Variants in GRAMD1C observed in about 807,000 individuals in gnomAD.
The protein encoded by GRAMD1C is GRAM domain containing 1C.
A neutral mutation model predicts 97.8 loss-of-function variants in GRAMD1C; 89 were observed. The ratio of observed to expected loss-of-function variants is 0.91; its 90% CI spans 0.77 to 1.09. GRAMD1C has a LOEUF of 1.09. Ranked by LOEUF, GRAMD1C falls within the 50% of genes least tolerant of loss-of-function variation. The pLI is 0.00. For synonymous variants in GRAMD1C, 256 were observed against 267.0 expected (o/e 0.96, Z 0.40); for missense variants, 740 against 766.4 (o/e 0.97, Z 0.41).
At chr3:113,906,102 G>A (rs1392885112) in intron 8 of GRAMD1C, among the ~76,000 whole-genome samples, 2 of 152,140 alleles carry the variant, frequency 1.3e-5, no homozygotes, top group Non-Finnish European at 2.9e-5. Flanking sequence ...TGATGCTGGT[G>A]TAAACAAATC....
chr3:113,940,071 A>C lies in GRAMD1C; in HGVS notation c.1802+75A>C, dbSNP rs991024417. ...CTTCAGTTGCAGAAAACTTAATTTC[A>C]GTTTCAGAGACTGTGGTCTGCTAAC... On this transcript the variant is annotated intron_variant, in intron 16 of 17. Coordinates refer to ENST00000358160, the MANE Select transcript of GRAMD1C (RefSeq NM_017577.5). 4 of 939,478 alleles carry C rather than the reference A, an allele frequency of 4.3e-6. No individual in the cohort carries two copies. In the Admixed American group the frequency reaches 5.3e-5, roughly 12 times the overall value. 58.2% of individuals were successfully genotyped at this position (939,478 alleles called of 1,614,324 possible).
At chr3:113,911,711 C>CTTTCT (rs1553723623) in intron 9 of GRAMD1C, among the ~76,000 whole-genome samples, 15 of 136,568 alleles carry the variant, frequency 1.1e-4, no homozygotes, top group Middle Eastern at 3.6e-3. Context: ...TTCCTTCCTT[C>CTTTCT]CTTCCTTCCT....
intron 1 of GRAMD1C, among the ~76,000 whole-genome samples, chr3:113,844,271 G>A (rs1159889413): frequency 6.6e-6 from 1 of 151,940 alleles, no homozygotes; most frequent in Non-Finnish European, 1.5e-5. Flanking sequence ...TCCAGTCTGG[G>A]TGAAAGAGTG....
chr3:113,845,386 A>G (rs1933563807), intron 2 of GRAMD1C, among the ~76,000 whole-genome samples: 1 of 152,180 alleles, frequency 6.6e-6, no homozygotes, highest in Non-Finnish European at 1.5e-5. Context: ...AGTTCCAATT[A>G]GTTCATTAGA....
chr3:113,920,180 G>T, intron 10 of GRAMD1C: 1 of 1,379,096 alleles, frequency 7.3e-7, no homozygotes, highest in Non-Finnish European at 1.0e-6. Context: ...ACAGGCATCT[G>T]CTCAACAGCC....
chr3:113,907,498 T>C (rs751910328), intron 8 of GRAMD1C, among the ~76,000 whole-genome samples: 3 of 152,178 alleles, frequency 2.0e-5, no homozygotes, highest in Admixed American at 6.5e-5. Context: ...ACAAGCAGTA[T>C]AGAAGTTTAG....
chr3:113,935,666 C>T (rs1028859444), intron 13 of GRAMD1C, among the ~76,000 whole-genome samples: 17 of 151,488 alleles, frequency 1.1e-4, no homozygotes, highest in African/African-American at 3.9e-4. Flanking sequence ...ATTTTTCTTG[C>T]CTTTCTTCCT....
Position 113,841,363 on chromosome 3 carries a change from G to A in GRAMD1C, c.27+2427G>A, listed in dbSNP as rs142598369. ...TGCAGTGGCACAATCTCAGCTCACC[G>A]CAACCTCCACCTCCCGGGTTCAAGC... On this transcript the variant is annotated intron_variant, in intron 1 of 17. Coordinates refer to ENST00000358160, the MANE Select transcript of GRAMD1C (RefSeq NM_017577.5). Among the ~76,000 whole-genome samples, 684 of 134,234 alleles carry A rather than the reference G, an allele frequency of 5.1e-3. 5 individuals carry two copies. Among genetic ancestry groups the A allele is most frequent in the African/African-American group, 0.018 (647 of 36,088 alleles). 88.1% of individuals were successfully genotyped at this position (134,234 alleles called of 152,430 possible).
Position 113,936,353 on chromosome 3 carries a change from C to A in GRAMD1C, c.1544C>A (p.Thr515Asn). ...ACTGGCCTACGAAGGAGAAGGCGAA[C>A]CTTCAACCGAACAGCAGAAACAGTT... is the stretch of plus-strand genomic sequence containing the variant. ...KLTGLRRRRR[T>N]FNRTAETVPK... The change falls in exon 14 of 18, where the codon ACC becomes AAC. Residue 515 changes from threonine to asparagine, a missense_variant. Transcript: ENST00000358160. 6.2e-7 allele frequency: 1 copy of A among 1,612,346 alleles called. No homozygotes were observed. The highest frequency in any genetic ancestry group is 8.5e-7 in the Non-Finnish European group (1 of 1,178,546).
intron 2 of GRAMD1C, among the ~76,000 whole-genome samples, chr3:113,861,361 C>T (rs1577135969): frequency 6.6e-6 from 1 of 151,996 alleles, no homozygotes; most frequent in East Asian, 1.9e-4. Flanking sequence ...AAAATTAGTG[C>T]CATGTTTGGT....
chr3:113,924,704 A>G (rs903312380), intron 10 of GRAMD1C, among the ~76,000 whole-genome samples: 1 of 152,160 alleles, frequency 6.6e-6, no homozygotes, highest in Middle Eastern at 3.2e-3. Flanking sequence ...GTCGATTTTT[A>G]GAGTATGTGC....
intron 6 of GRAMD1C, among the ~76,000 whole-genome samples, chr3:113,899,424 A>G (rs1160059381): frequency 1.3e-5 from 2 of 151,280 alleles, no homozygotes; most frequent in African/African-American, 4.8e-5. Context: ...ATATCTTGTC[A>G]TATAACTTAA....
chr3:113,937,140 A>G (rs1559826858), intron 14 of GRAMD1C, among the ~76,000 whole-genome samples: 1 of 152,246 alleles, frequency 6.6e-6, no homozygotes, highest in Admixed American at 6.5e-5. Context: ...CAAAATTGCA[A>G]AGATAACATT....
At chr3:113,857,167 A>T (rs554906206) in intron 2 of GRAMD1C, among the ~76,000 whole-genome samples, 1 of 122,014 alleles carries the variant, frequency 8.2e-6, no homozygotes, top group Non-Finnish European at 1.8e-5. Flanking sequence ...CTTAAAAAAA[A>T]CAAACAAACA....
In GRAMD1C at chr3:113,934,427, A is replaced by G; in HGVS notation, c.1353-5A>G. The G allele has an allele frequency of 7.7e-7, 1 of 1,292,276 alleles. No homozygotes were observed. 80.1% of individuals were successfully genotyped at this position (1,292,276 alleles called of 1,614,324 possible). ...ATAAATATTCTTTCCTTCTTATTCT[A>G]CTAGAGTTTCCACAGATTTGAAATA... On this transcript the variant is annotated splice_region_variant and splice_polypyrimidine_tract_variant and intron_variant, in intron 12 of 17. Transcript: ENST00000358160.
At chr3:113,913,067 C>T in intron 9 of GRAMD1C, 1 of 1,222,192 alleles carries the variant, frequency 8.2e-7, no homozygotes, top group Non-Finnish European at 1.1e-6. Flanking sequence ...ACCATTCTTG[C>T]TTTAGTATGC....
At chr3:113,869,838 T>C (rs996771603) in intron 3 of GRAMD1C, among the ~76,000 whole-genome samples, 2 of 152,112 alleles carry the variant, frequency 1.3e-5, no homozygotes. Flanking sequence ...ACCGAAGATA[T>C]GGAATCAACC....
intron 6 of GRAMD1C, among the ~76,000 whole-genome samples, chr3:113,896,367 C>T (rs748933669): frequency 1.1e-4 from 16 of 151,780 alleles, no homozygotes; most frequent in East Asian, 1.9e-4. Context: ...TTTTGCTGGC[C>T]ACTCCTCTAT....
At position 113,941,969 on chromosome 3, in the gene GRAMD1C, G is replaced by T. The variant is rs114585128; in HGVS notation, c.1908+1624G>T. ...TCTTACTCTGTCACCCAACTGGAGT[G>T]CAGTGGCATGAACACGGCTCACTGC... On this transcript the variant is annotated intron_variant, in intron 17 of 17. Coordinates refer to ENST00000358160, the MANE Select transcript of GRAMD1C (RefSeq NM_017577.5). 9.6e-3 allele frequency among the ~76,000 whole-genome samples: 1,439 copies of T among 149,894 alleles called. 52 individuals are homozygous for T. Among genetic ancestry groups the T allele is most frequent in the African/African-American group, 0.034 (1,341 of 39,866 alleles).
Sources: gnomAD v4.1 joint callset for allele counts (sites outside exome capture counted in the v4.1 genomes callset) on GRCh38, gnomAD v4.1.1 for gene constraint, MANE v1.5 for transcripts, NCBI Gene and HGNC (gene_info 2026-07-23, HGNC 2026-07-21) for gene names.